PDE7A: variants seen among roughly 807,000 people sequenced by gnomAD.
PDE7A encodes the protein phosphodiesterase 7A.
In PDE7A, 39 loss-of-function variants were observed where a neutral mutation model predicts 64.3. That is an observed-to-expected ratio of 0.61 (90% CI 0.47 to 0.79). PDE7A has a LOEUF of 0.79. PDE7A is among the 30% of genes least tolerant of loss of function. PDE7A has a pLI of 0.00. For missense variants in PDE7A, 470 were observed against 582.8 expected, an observed-to-expected ratio of 0.81 and a Z score of 1.99; for synonymous variants, 203 against 206.8, an observed-to-expected ratio of 0.98 and a Z score of 0.16.
intron 2 of PDE7A, 50 bp downstream of exon 2, chr8:65,782,733 C>G (rs764957389): frequency 4.3e-5 from 42 of 980,392 alleles, no homozygotes; most frequent in Non-Finnish European, 6.7e-5. Flanking sequence ...CAAATAACAA[C>G]AGGTAATAAC....
chr8:65,812,212 G>GAA (rs76971303), intron 1 of PDE7A, among the ~76,000 whole-genome samples: 741 of 66,622 alleles, frequency 0.011, 8 homozygotes, highest in African/African-American at 0.036. Flanking sequence ...TTCAAAAACA[G>GAA]AAAAAAAAAA....
intron 1 of PDE7A, among the ~76,000 whole-genome samples, chr8:65,796,545 C>CT (rs140800124): frequency 0.048 from 7,369 of 152,078 alleles, 491 homozygotes; most frequent in African/African-American, 0.15. Context: ...GCTGATTTAG[C>CT]ATTCAAAAAA....
At chr8:65,780,501 T>C (rs1809384117) in intron 2 of PDE7A, among the ~76,000 whole-genome samples, 2 of 152,232 alleles carry the variant, frequency 1.3e-5, no homozygotes, top group African/African-American at 4.8e-5. Context: ...TCCAGATTTA[T>C]TTTTCTATAC....
At chr8:65,728,049 G>A (rs1806681895) in intron 7 of PDE7A, 1 of 152,162 alleles carries the variant, frequency 6.6e-6, no homozygotes, top group Non-Finnish European at 1.5e-5. Flanking sequence ...TTCATGAAAT[G>A]CCTCTCATTT....
At position 65,722,119 on chromosome 8, in the gene PDE7A, G is replaced by A. The variant is rs577480273; in HGVS notation, c.1243+1422C>T. On this transcript the variant is annotated intron_variant, in intron 12 of 12. Coordinates refer to ENST00000401827, the MANE Select transcript of PDE7A (RefSeq NM_001242318.3). ...TTGTCCATTTCTAATGTATTCTTTTGCATTTGAAGATTATTCTACTTGAGA... is the reference window on the plus strand; with the variant it reads ...TTGTCCATTTCTAATGTATTCTTTTACATTTGAAGATTATTCTACTTGAGA... 2.0e-5 allele frequency: 3 copies of A among 152,216 alleles called. No individual in the cohort carries two copies. In the East Asian group the frequency reaches 5.8e-4, roughly 29 times the overall value. The allele number at this position is 152,216 out of a possible 1,614,324, so 9.4% of individuals were successfully genotyped here.
At chr8:65,773,790 T>C (rs975628264) in intron 3 of PDE7A, among the ~76,000 whole-genome samples, 1 of 152,196 alleles carries the variant, frequency 6.6e-6, no homozygotes, top group African/African-American at 2.4e-5. Context: ...CTAATCATTT[T>C]TAATGTCCCT....
At chr8:65,745,268 GAA>G in intron 5 of PDE7A, 137 bp downstream of exon 5, 1 of 650,684 alleles carries the variant, frequency 1.5e-6, no homozygotes, top group Non-Finnish European at 2.8e-6. Context: ...TCAGCAGTGT[GAA>G]AATGGACTAA....
chr8:65,754,425 A>G (rs755434817), intron 3 of PDE7A, among the ~76,000 whole-genome samples: 1 of 151,024 alleles, frequency 6.6e-6, no homozygotes, highest in Admixed American at 6.6e-5. Context: ...TTTACTTTCA[A>G]CCTCTTTGTT....
rs1807056600 is a variant in PDE7A, at chr8:65,734,844, G to C, written c.646C>G (p.His216Asp). 6.2e-7 allele frequency: 1 copy of C among 1,612,360 alleles called. No individual in the cohort carries two copies. The highest frequency in any genetic ancestry group is 2.2e-5 in the East Asian group (1 of 44,852). The change falls in exon 7 of 13, where the codon CAC becomes GAC. Residue 216 changes from histidine (H) to aspartate (D), a missense_variant. His to Asp is a moderately conservative substitution (Grantham distance 81). Transcript: ENST00000401827. The part of the protein sequence containing the change: ...HSQNPYHNAV[H>D]AADVTQAMHC... ...ATGGCCTGAGTAACATCCGCAGCGT[G>C]GACTGCGTTATGGTAAGGATTTTGA...
chr8:65,758,587 A>C (rs1040832311), intron 3 of PDE7A, among the ~76,000 whole-genome samples: 1 of 152,246 alleles, frequency 6.6e-6, no homozygotes. Flanking sequence ...GACGGTGAGT[A>C]AGCCAGCCCT....
chr8:65,765,120 A>G (rs1443216215), intron 3 of PDE7A, among the ~76,000 whole-genome samples: 1 of 152,226 alleles, frequency 6.6e-6, no homozygotes, highest in Non-Finnish European at 1.5e-5. Context: ...ATAGGCTACA[A>G]TGTAAATATC....
rs1811090409 is a variant in PDE7A, at chr8:65,841,572, G to A, written c.-64C>T. 4.8e-5 allele frequency: 50 copies of A among 1,043,530 alleles called. No homozygotes were observed. Among genetic ancestry groups the A allele is most frequent in the Non-Finnish European group, 6.2e-5 (50 of 809,600 alleles). The allele number at this position is 1,043,530 out of a possible 1,614,324, so 64.6% of individuals were successfully genotyped here. A position where few individuals can be genotyped will look rare whatever the true frequency, so the allele number is the denominator to read the frequency against. ...GCCGCGGCCGCCGGCCCCTGCAGTG[G>A]GAGGGGGCCGCGGCTCGGGGGCTCC... is the stretch of plus-strand genomic sequence containing the variant. On this transcript the variant is annotated 5_prime_UTR_variant, in exon 1 of 13. Transcript: ENST00000401827.
At chr8:65,767,159 A>G (rs1266401591) in intron 3 of PDE7A, among the ~76,000 whole-genome samples, 2 of 152,198 alleles carry the variant, frequency 1.3e-5, no homozygotes, top group African/African-American at 4.8e-5. Context: ...CAACACCAAC[A>G]CAGGATTGCA....
At chr8:65,823,073 C>G (rs1585947471) in intron 1 of PDE7A, among the ~76,000 whole-genome samples, 1 of 152,016 alleles carries the variant, frequency 6.6e-6, no homozygotes, top group South Asian at 2.1e-4. Flanking sequence ...TCCAGTGGTT[C>G]TTCTTGCACA....
chr8:65,835,955 A>G (rs576092927), intron 1 of PDE7A, among the ~76,000 whole-genome samples: 2 of 152,370 alleles, frequency 1.3e-5, no homozygotes, highest in East Asian at 3.9e-4. Context: ...ATGTTTGAGC[A>G]TGTATCTGAA....
Position 65,841,493 on chromosome 8 carries a change from G to C in PDE7A, c.16C>G (p.Gln6Glu). The change falls in exon 1 of 13, where the codon CAG (glutamine) becomes GAG (glutamate). Residue 6 changes from glutamine to glutamate, a missense_variant. Physicochemically the swap from Gln to Glu is conservative, Grantham distance 29. Coordinates refer to ENST00000401827, the MANE Select transcript of PDE7A (RefSeq NM_001242318.3). MEVCYQLPVLPLDRPV... is the reference protein window; with the variant it reads MEVCYELPVLPLDRPV... ...CTGTCCAGGGGCAGTACCGGCAGCTGGTAACACACTTCCATTGAATACGCC... is the reference window on the plus strand; with the variant it reads ...CTGTCCAGGGGCAGTACCGGCAGCTCGTAACACACTTCCATTGAATACGCC... 1.9e-6 allele frequency: 3 copies of C among 1,542,134 alleles called. No homozygotes were observed. Among genetic ancestry groups the C allele is most frequent in the Non-Finnish European group, 2.6e-6 (3 of 1,151,724 alleles).
intron 1 of PDE7A, among the ~76,000 whole-genome samples, chr8:65,814,168 C>T (rs1410462484): frequency 6.6e-6 from 1 of 151,990 alleles, no homozygotes; most frequent in African/African-American, 2.4e-5. Flanking sequence ...TAAAGATGTG[C>T]AAGATACATT....
In PDE7A at chr8:65,788,842, A is replaced by C. The variant is rs1463772527; in HGVS notation, c.139-5999T>G. 4 of 1,334,170 alleles carry C rather than the reference A, an allele frequency of 3.0e-6. No individual in the cohort carries two copies. The Admixed American group carries it at 5.1e-5, about 17-fold the overall frequency. 82.6% of individuals were successfully genotyped at this position (1,334,170 alleles called of 1,614,324 possible). A position where few individuals can be genotyped will look rare whatever the true frequency, so the allele number is the denominator to read the frequency against. The stretch of plus-strand genomic sequence containing the variant: ...TTAATTCCTATCAAATATGTAAACT[A>C]ATGATGAATGTCACCATCCTAAAAA... On this transcript the variant is annotated intron_variant, in intron 1 of 12. Transcript: ENST00000401827.
At chr8:65,793,086 G>A (rs1163438360) in intron 1 of PDE7A, among the ~76,000 whole-genome samples, 2 of 152,042 alleles carry the variant, frequency 1.3e-5, no homozygotes, top group East Asian at 1.9e-4. Flanking sequence ...CACTTAGAAA[G>A]TCTCTGGTGA....
Sources: allele counts gnomAD v4.1 joint callset (sites outside exome capture counted in the v4.1 genomes callset), GRCh38; gene constraint gnomAD v4.1.1; transcripts MANE v1.5; gene names NCBI Gene and HGNC (gene_info 2026-07-23, HGNC 2026-07-21).